Variants in SFMBT2 observed in about 807,000 individuals in gnomAD.
SFMBT2 encodes Scm like with four mbt domains 2, also known as scm-like with four MBT domains protein 2.
SFMBT2 carries 38 observed loss-of-function variants against 110.1 expected under a neutral mutation model. That is an observed-to-expected ratio of 0.35 (90% CI 0.27 to 0.45). SFMBT2 has a LOEUF of 0.45. Ranked by LOEUF, SFMBT2 falls within the 20% of genes least tolerant of loss-of-function variation. The pLI is 1.00. For synonymous variants in SFMBT2, 425 were observed against 425.4 expected (o/e 1.00, Z 0.01); for missense variants, 1,011 against 1,094.9 (o/e 0.92, Z 1.08).
chr10:7,210,232 T>C (rs763318932), intron 11 of SFMBT2, among the ~76,000 whole-genome samples: 1 of 152,196 alleles, frequency 6.6e-6, no homozygotes, highest in Non-Finnish European at 1.5e-5. Flanking sequence ...TGACCTATGC[T>C]ACCCAGAGCC....
At chr10:7,192,138 C>T (rs537790166) in intron 15 of SFMBT2, among the ~76,000 whole-genome samples, 1 of 152,238 alleles carries the variant, frequency 6.6e-6, no homozygotes, top group East Asian at 1.9e-4. Context: ...ACCCGTAAGC[C>T]TGGCACATTA....
chr10:7,333,027 C>A (rs1308806065), intron 4 of SFMBT2, among the ~76,000 whole-genome samples: 1 of 152,102 alleles, frequency 6.6e-6, no homozygotes, highest in African/African-American at 2.4e-5. Flanking sequence ...CCACCACGCC[C>A]AGCTAATTTT....
intron 4 of SFMBT2, among the ~76,000 whole-genome samples, chr10:7,354,737 C>T (rs1464081032): frequency 6.6e-6 from 1 of 152,162 alleles, no homozygotes; most frequent in South Asian, 2.1e-4. Context: ...ATTAATCAAG[C>T]AAACAGGCTT....
rs1842562744 is a variant in SFMBT2 at position 7,301,668 on chromosome 10, G to A, written c.437-15714C>T. Reference sequence around the variant, plus strand: ...AGGGAGGAGCTGCAGCTCCAAGTTGGGCCATTTACTATTCTGAAACGCAGA... The same window carrying A: ...AGGGAGGAGCTGCAGCTCCAAGTTGAGCCATTTACTATTCTGAAACGCAGA... On this transcript the variant is annotated intron_variant, in intron 4 of 20. Coordinates refer to ENST00000397167, the MANE Select transcript of SFMBT2 (RefSeq NM_001387889.1). The surrounding 1 kb of genome is among the most constrained non-coding windows in gnomAD (Gnocchi z 4.2). 6.6e-6 allele frequency among the ~76,000 whole-genome samples: 1 copy of A among 152,098 alleles called. No individual in the cohort carries two copies. The highest frequency in any genetic ancestry group is 1.5e-5 in the Non-Finnish European group (1 of 68,022).
At chr10:7,263,704 T>C (rs1217475266) in intron 7 of SFMBT2, among the ~76,000 whole-genome samples, 3 of 152,258 alleles carry the variant, frequency 2.0e-5, no homozygotes, top group Admixed American at 2.0e-4. Context: ...GTGTCCCACC[T>C]GAAGGCCAAA....
At chr10:7,325,960 TG>T (rs1284766606) in intron 4 of SFMBT2, among the ~76,000 whole-genome samples, 4 of 152,342 alleles carry the variant, frequency 2.6e-5, no homozygotes, top group African/African-American at 9.6e-5. Context: ...AACTGAATAT[TG>T]TTGGCATTCT....
chr10:7,294,551 G>A (rs1842350675), intron 4 of SFMBT2, among the ~76,000 whole-genome samples: 1 of 152,158 alleles, frequency 6.6e-6, no homozygotes, highest in Non-Finnish European at 1.5e-5. Context: ...GGTGAAATCT[G>A]ACATGAGACT....
intron 1 of SFMBT2, among the ~76,000 whole-genome samples, chr10:7,404,869 C>G (rs896702672): frequency 6.6e-6 from 1 of 152,178 alleles, no homozygotes; most frequent in Non-Finnish European, 1.5e-5. Context: ...TCATGCAAAA[C>G]CAATCCTGAA....
chr10:7,333,024 GC>G (rs1312747545), intron 4 of SFMBT2, among the ~76,000 whole-genome samples: 3 of 152,106 alleles, frequency 2.0e-5, no homozygotes, highest in Non-Finnish European at 4.4e-5. Context: ...ACACCACCAC[GC>G]CCAGCTAATT....
At chr10:7,167,374 A>G (rs550815594) in intron 20 of SFMBT2, among the ~76,000 whole-genome samples, 7 of 152,308 alleles carry the variant, frequency 4.6e-5, no homozygotes, top group African/African-American at 1.7e-4. Context: ...AGATTTTTTA[A>G]GCGGTTGCCA....
At chr10:7,247,616 C>A (rs1840659569) in intron 8 of SFMBT2, among the ~76,000 whole-genome samples, 1 of 152,154 alleles carries the variant, frequency 6.6e-6, no homozygotes, top group Non-Finnish European at 1.5e-5. Flanking sequence ...AAACACTAAT[C>A]ACTGCATGAA....
Position 7,171,886 on chromosome 10 carries a change from G to A in SFMBT2, c.2415+9C>T, listed in dbSNP as rs766889995. The A allele has an allele frequency of 6.0e-5, 85 of 1,410,582 alleles. No individual in the cohort carries two copies. The highest frequency in any genetic ancestry group is 2.5e-4 in the Middle Eastern group (1 of 3,986). 87.4% of individuals were successfully genotyped at this position (1,410,582 alleles called of 1,614,324 possible). A position where few individuals can be genotyped will look rare whatever the true frequency, so the allele number is the denominator to read the frequency against. On this transcript the variant is annotated intron_variant, in intron 19 of 20. Coordinates refer to ENST00000397167, the MANE Select transcript of SFMBT2 (RefSeq NM_001387889.1). This position sits in a 1 kb window ranked among gnomAD's most constrained non-coding sequence, Gnocchi z 4.9. ...CGGGAAGCCCTCTGTCCCCACGCCC[G>A]GGCATCACCTCTGTCCCCTCGGGCT...
rs149535768 is a variant in SFMBT2 at position 7,268,369 on chromosome 10, G to A, written c.870+8523C>T. ...CAGAAACCCTTCCTAGTAGTCCTTC[G>A]CAAAAGACAAAAATAAAAAGCTTTT... On this transcript the variant is annotated intron_variant, in intron 7 of 20. Coordinates refer to ENST00000397167, the MANE Select transcript of SFMBT2 (RefSeq NM_001387889.1). Among the ~76,000 whole-genome samples, 13 of 152,174 alleles carry A rather than the reference G, an allele frequency of 8.5e-5. No individual in the cohort carries two copies. The East Asian group carries it at 1.9e-3, about 23-fold the overall frequency.
rs1182579514 is a variant in SFMBT2, at chr10:7,255,227, G to A, written c.871-6578C>T. 7.2e-5 allele frequency among the ~76,000 whole-genome samples: 11 copies of A among 152,226 alleles called. No homozygotes were observed. In the South Asian group the frequency reaches 2.1e-3, roughly 29 times the overall value. ...AGTTCCTGGGTCCTGAAGACAATTC[G>A]CCAAACCGATTATGTACTAAGAGAT... On this transcript the variant is annotated intron_variant, in intron 7 of 20. Transcript: ENST00000397167.
At chr10:7,207,163 C>G (rs1839163616) in intron 11 of SFMBT2, among the ~76,000 whole-genome samples, 1 of 152,050 alleles carries the variant, frequency 6.6e-6, no homozygotes, top group Non-Finnish European at 1.5e-5. Flanking sequence ...AGTTTGAGAT[C>G]AGCCTGGCCA....
chr10:7,358,022 G>A (rs1844575507), intron 4 of SFMBT2, among the ~76,000 whole-genome samples: 1 of 152,142 alleles, frequency 6.6e-6, no homozygotes, highest in African/African-American at 2.4e-5. Flanking sequence ...CATGGCCCTA[G>A]AACATCTGCA....
intron 1 of SFMBT2, among the ~76,000 whole-genome samples, chr10:7,394,467 T>C (rs1289617674): frequency 6.6e-6 from 1 of 151,400 alleles, no homozygotes; most frequent in East Asian, 2.0e-4. Flanking sequence ...AGTTCTTCCA[T>C]ATCTGTCATT....
intron 5 of SFMBT2, 58 bp from the exon 6 acceptor site, chr10:7,284,208 A>C (rs1217044588): frequency 1.3e-6 from 2 of 1,578,934 alleles, no homozygotes; most frequent in Non-Finnish European, 1.7e-6. Context: ...TTCTCATGGA[A>C]ACAGATGACA....
chr10:7,159,260 A>G lies in SFMBT2; in HGVS notation c.*4510T>C, dbSNP rs1031446168. On this transcript the variant is annotated 3_prime_UTR_variant, in exon 21 of 21. Coordinates refer to ENST00000397167, the MANE Select transcript of SFMBT2 (RefSeq NM_001387889.1). ...TGAGTTGTTACTTGTCATTGAAACT[A>G]GAGAGGTTTTAAACCAAAATTCAAG... The G allele has an allele frequency of 2.6e-5, 4 of 152,226 alleles. No individual in the cohort carries two copies. Among genetic ancestry groups the G allele is most frequent in the African/African-American group, 9.6e-5 (4 of 41,454 alleles). The allele number at this position is 152,226 out of a possible 1,614,324, so 9.4% of individuals were successfully genotyped here.
Sources: gnomAD v4.1 joint callset for allele counts (sites outside exome capture counted in the v4.1 genomes callset) on GRCh38, gnomAD v4.1.1 for gene constraint, Gnocchi (gnomAD v3.1) non-coding constraint, MANE v1.5 for transcripts, NCBI Gene and HGNC (gene_info 2026-07-23, HGNC 2026-07-21) for gene names.